Variants in NCMAP observed in about 807,000 individuals in gnomAD.
NCMAP encodes the protein noncompact myelin-associated protein.
Under a neutral mutation model 7.8 loss-of-function variants are expected in NCMAP, and 8 were observed. The ratio of observed to expected loss-of-function variants is 1.02; its 90% confidence interval spans 0.60 to 1.84. The LOEUF is 1.84. Among genes scored for constraint, NCMAP ranks in the 40% most tolerant of loss-of-function variants. NCMAP has a pLI of 0.00. For synonymous variants in NCMAP, 41 were observed against 52.9 expected, an observed-to-expected ratio of 0.78 and a Z score of 0.98; for missense variants, 112 against 131.4, an observed-to-expected ratio of 0.85 and a Z score of 0.72.
At chr1:24,558,052 C>T (rs144073126) in intron 1 of NCMAP, among the ~76,000 whole-genome samples, 115 of 152,306 alleles carry the variant, frequency 7.6e-4, no homozygotes, top group African/African-American at 2.5e-3. Context: ...AGTTTTGTGA[C>T]GTCCTGGCAG....
At chr1:24,583,838 G>A (rs1480461643) in intron 1 of NCMAP, among the ~76,000 whole-genome samples, 2 of 152,254 alleles carry the variant, frequency 1.3e-5, no homozygotes, top group African/African-American at 4.8e-5. Flanking sequence ...TGCCGAGGAC[G>A]GTTTGGAGTA....
chr1:24,604,070 G>T (rs548146313), intron 3 of NCMAP, among the ~76,000 whole-genome samples: 1 of 152,192 alleles, frequency 6.6e-6, no homozygotes, highest in Non-Finnish European at 1.5e-5. Flanking sequence ...AGCCTAAGAA[G>T]TCCTTTTATA....
intron 3 of NCMAP, among the ~76,000 whole-genome samples, chr1:24,604,573 TAAAAAAAAAAAAAA>T (rs1159689184): frequency 5.7e-3 from 63 of 11,034 alleles, no homozygotes; most frequent in South Asian, 7.7e-3. Context: ...TAAGACTGTC[TAAAAAAAAAAAAAA>T]AAAAAAAAAA....
chr1:24,578,404 A>ATC (rs1651650619), intron 1 of NCMAP, among the ~76,000 whole-genome samples: 1 of 145,222 alleles, frequency 6.9e-6, no homozygotes, highest in Non-Finnish European at 1.5e-5. Context: ...GGATCCTGGG[A>ATC]CACGGAGTTG....
Position 24,576,745 on chromosome 1 carries a change from A to G in NCMAP, c.-7-18679A>G, listed in dbSNP as rs529306325. Among the ~76,000 whole-genome samples the G allele has an allele frequency of 9.3e-4, 142 of 152,256 alleles. No individual in the cohort carries two copies. The highest frequency in any genetic ancestry group is 3.3e-3 in the African/African-American group (136 of 41,552). On this transcript the variant is annotated intron_variant, in intron 1 of 3. Coordinates refer to ENST00000374392, the MANE Select transcript of NCMAP (RefSeq NM_001010980.5). The surrounding 1 kb of genome is among the most constrained non-coding windows in gnomAD (Gnocchi z 4.0). ...CTCCAGCCCAGGGTTCTTGCCCCCC[A>G]TCTCAGGCCTCTCTGTTGGAGTTTT...
intron 2 of NCMAP, among the ~76,000 whole-genome samples, chr1:24,597,270 C>T (rs760733346): frequency 1.3e-5 from 2 of 151,794 alleles, no homozygotes; most frequent in African/African-American, 2.4e-5. Flanking sequence ...CTTTGGGAGG[C>T]CAAAGTGGGT....
intron 1 of NCMAP, among the ~76,000 whole-genome samples, chr1:24,564,797 C>T (rs1310623172): frequency 6.6e-6 from 1 of 151,866 alleles, no homozygotes; most frequent in Admixed American, 6.6e-5. Context: ...TAACAGATGG[C>T]GTACAGAGGA....
At chr1:24,574,794 CT>C (rs772381377) in intron 1 of NCMAP, among the ~76,000 whole-genome samples, 2,305 of 131,776 alleles carry the variant, frequency 0.017, 37 homozygotes, top group African/African-American at 0.053. Context: ...GCCCGCAATA[CT>C]TTTTTTTTTT....
intron 1 of NCMAP, among the ~76,000 whole-genome samples, chr1:24,562,169 C>CT (rs1651073925): frequency 6.6e-6 from 1 of 152,204 alleles, no homozygotes; most frequent in Non-Finnish European, 1.5e-5. Flanking sequence ...ATTCATTTAT[C>CT]TTTTTTCTAA....
chr1:24,592,356 CCT>C (rs1465324396), intron 1 of NCMAP, among the ~76,000 whole-genome samples: 1 of 152,108 alleles, frequency 6.6e-6, no homozygotes, highest in African/African-American at 2.4e-5. Flanking sequence ...TCTAGTATTC[CCT>C]GTGTACTCCC....
chr1:24,573,243 C>T (rs944603094), intron 1 of NCMAP, among the ~76,000 whole-genome samples: 2 of 150,848 alleles, frequency 1.3e-5, no homozygotes, highest in Non-Finnish European at 1.5e-5. Flanking sequence ...GACCCCTGAG[C>T]TTAGCTCTGT....
chr1:24,556,348 T>G (rs1381727546), intron 1 of NCMAP, among the ~76,000 whole-genome samples, 179 bp downstream of exon 1: 1 of 142,088 alleles, frequency 7.0e-6, no homozygotes, highest in African/African-American at 2.6e-5. Flanking sequence ...GCCTGGGGTC[T>G]GCGCGGGAGG....
chr1:24,608,338 G>C lies in NCMAP; in HGVS notation c.*2591G>C, dbSNP rs1652828415. 1 of 152,238 alleles carries C rather than the reference G, an allele frequency of 6.6e-6. No individual in the cohort carries two copies. Among genetic ancestry groups the C allele is most frequent in the East Asian group, 1.9e-4 (1 of 5,200 alleles). 9.4% of individuals were successfully genotyped at this position (152,238 alleles called of 1,614,324 possible). Reference sequence around the variant, plus strand: ...GGCTGAACAAGGGGAGTACGGGTTTGTCCATGTGTTTGAGTAGAGATCAGG... The same window carrying C: ...GGCTGAACAAGGGGAGTACGGGTTTCTCCATGTGTTTGAGTAGAGATCAGG... On this transcript the variant is annotated 3_prime_UTR_variant, in exon 4 of 4. Coordinates refer to ENST00000374392, the MANE Select transcript of NCMAP (RefSeq NM_001010980.5).
chr1:24,604,630 A>G lies in NCMAP; in HGVS notation c.168-976A>G, dbSNP rs1481976394. Among the ~76,000 whole-genome samples the G allele has an allele frequency of 1.9e-4, 17 of 87,430 alleles. 4 individuals are homozygous for G. The highest frequency in any genetic ancestry group is 9.6e-4 in the African/African-American group (17 of 17,638). The allele number at this position is 87,430 out of a possible 152,430, so 57.4% of individuals were successfully genotyped here. The stretch of plus-strand genomic sequence containing the variant: ...AATATATATATATATATATATATAT[A>G]TATATATATATATATATATATATGT... On this transcript the variant is annotated intron_variant, in intron 3 of 3. Coordinates refer to ENST00000374392, the MANE Select transcript of NCMAP (RefSeq NM_001010980.5).
intron 1 of NCMAP, 134 bp from the exon 2 acceptor site, chr1:24,595,290 A>T (rs898197124): frequency 9.9e-6 from 6 of 608,414 alleles, no homozygotes; most frequent in Non-Finnish European, 1.1e-5. Flanking sequence ...TGGGTTTTGC[A>T]TTTACTTGCT....
intron 1 of NCMAP, among the ~76,000 whole-genome samples, chr1:24,575,889 G>A (rs2148929195): frequency 7.8e-6 from 1 of 127,712 alleles, no homozygotes; most frequent in East Asian, 2.4e-4. Flanking sequence ...AGGTTGCAAT[G>A]AGCCGAGATC....
intron 3 of NCMAP, 46 bp downstream of exon 3, chr1:24,601,070 T>C (rs4553122): frequency 0.55 from 834,144 of 1,503,992 alleles, 232,103 homozygotes; most frequent in East Asian, 0.63. Flanking sequence ...GTCCCTTCAG[T>C]GACATCAGAA....
chr1:24,559,862 C>A (rs1269868639), intron 1 of NCMAP, among the ~76,000 whole-genome samples: 2 of 152,214 alleles, frequency 1.3e-5, no homozygotes, highest in Non-Finnish European at 2.9e-5. Context: ...CCTCTGCAAT[C>A]ATCTATTAAG....
chr1:24,586,249 C>G (rs1651877705), intron 1 of NCMAP, among the ~76,000 whole-genome samples: 1 of 152,148 alleles, frequency 6.6e-6, no homozygotes. Flanking sequence ...TGTGCTGTGT[C>G]ACAGCACTGT....
Sources: gnomAD v4.1 joint callset for allele counts (sites outside exome capture counted in the v4.1 genomes callset) on GRCh38, gnomAD v4.1.1 for gene constraint, Gnocchi (gnomAD v3.1) non-coding constraint, MANE v1.5 for transcripts, NCBI Gene and HGNC (gene_info 2026-07-23, HGNC 2026-07-21) for gene names.